The following CDKAL1 variants were observed in gnomAD, a reference collection of about 807,000 sequenced individuals.
CDKAL1 encodes the protein CDKAL1 threonylcarbamoyladenosine tRNA methylthiotransferase.
A neutral mutation model predicts 68.2 loss-of-function variants in CDKAL1; 32 were observed. The ratio of observed to expected loss-of-function variants is 0.47; its 90% CI spans 0.35 to 0.63. The LOEUF is 0.63. CDKAL1 is among the 30% of genes least tolerant of loss of function. The pLI is 0.00. For synonymous variants in CDKAL1, 234 were observed against 244.3 expected, an observed-to-expected ratio of 0.96 and a Z score of 0.39; for missense variants, 606 against 696.7, an observed-to-expected ratio of 0.87 and a Z score of 1.47.
intron 9 of CDKAL1, among the ~76,000 whole-genome samples, chr6:20,940,883 G>T (rs1169853632): frequency 6.6e-6 from 1 of 152,158 alleles, no homozygotes; most frequent in East Asian, 1.9e-4. Context: ...GAGGTCAGGA[G>T]ATCAAGACCA....
chr6:20,863,901 C>T (rs982244068), intron 9 of CDKAL1, among the ~76,000 whole-genome samples: 5 of 152,132 alleles, frequency 3.3e-5, no homozygotes, highest in Admixed American at 1.3e-4. Flanking sequence ...ACTCTGGTTA[C>T]ATCTGTGCTT....
At chr6:21,199,229 C>G (rs1324919329) in intron 14 of CDKAL1, among the ~76,000 whole-genome samples, 1 of 152,146 alleles carries the variant, frequency 6.6e-6, no homozygotes, top group Non-Finnish European at 1.5e-5. Context: ...AAAGCAGGAG[C>G]TGAAGAGGCC....
chr6:21,156,384 A>G (rs1421788141), intron 13 of CDKAL1, among the ~76,000 whole-genome samples: 1 of 144,374 alleles, frequency 6.9e-6, no homozygotes, highest in East Asian at 2.0e-4. Flanking sequence ...AGATCGTGCC[A>G]CTGTACTCCA....
intron 10 of CDKAL1, chr6:20,993,464 G>T (rs555785327): frequency 2.0e-5 from 3 of 152,204 alleles, no homozygotes; most frequent in Admixed American, 1.3e-4. Context: ...GGATGTAAAC[G>T]CATCTCAATG....
At chr6:20,785,021 C>T (rs867311108) in intron 8 of CDKAL1, among the ~76,000 whole-genome samples, 27 of 151,992 alleles carry the variant, frequency 1.8e-4, no homozygotes, top group African/African-American at 6.5e-4. Flanking sequence ...TTCAAATGGG[C>T]CTGCTCTTTA....
chr6:20,892,462 G>A (rs1374663904), intron 9 of CDKAL1, among the ~76,000 whole-genome samples: 6 of 152,220 alleles, frequency 3.9e-5, no homozygotes, highest in Non-Finnish European at 7.4e-5. Flanking sequence ...GTGAAATGAC[G>A]TATCTGAGAT....
At chr6:20,955,397 A>G (rs201062517) in intron 9 of CDKAL1, 22 bp from the exon 10 acceptor site, 2 of 1,613,084 alleles carry the variant, frequency 1.2e-6, no homozygotes, top group Non-Finnish European at 1.7e-6. Flanking sequence ...CAGATTTGTT[A>G]ATTATCTCTT....
intron 9 of CDKAL1, among the ~76,000 whole-genome samples, chr6:20,909,549 G>A (rs1762376140): frequency 6.6e-6 from 1 of 152,160 alleles, no homozygotes; most frequent in Non-Finnish European, 1.5e-5. Context: ...TTTAAAATCA[G>A]CATAAAACAC....
intron 5 of CDKAL1, among the ~76,000 whole-genome samples, chr6:20,724,731 G>A (rs1453849097): frequency 6.6e-6 from 1 of 152,110 alleles, no homozygotes; most frequent in African/African-American, 2.4e-5. Context: ...ATTTGGCTGT[G>A]TCTTCCACCT....
At chr6:21,002,497 C>T (rs1450916051) in intron 11 of CDKAL1, among the ~76,000 whole-genome samples, 9 of 151,962 alleles carry the variant, frequency 5.9e-5, no homozygotes, top group African/African-American at 1.7e-4. Context: ...TTTAAATTAA[C>T]GCTGTATTGT....
At chr6:20,562,431 TG>T (rs981721413) in intron 4 of CDKAL1, among the ~76,000 whole-genome samples, 3 of 152,068 alleles carry the variant, frequency 2.0e-5, no homozygotes, top group Admixed American at 2.0e-4. Context: ...AAGGAGAGCC[TG>T]GGGATGAAAT....
chr6:20,601,512 G>A (rs1766094352), intron 4 of CDKAL1, among the ~76,000 whole-genome samples: 1 of 152,112 alleles, frequency 6.6e-6, no homozygotes, highest in Admixed American at 6.5e-5. Flanking sequence ...AATAAACTGA[G>A]AATTGACTTA....
chr6:20,775,987 A>G (rs1775154258), intron 7 of CDKAL1, among the ~76,000 whole-genome samples: 1 of 151,772 alleles, frequency 6.6e-6, no homozygotes, highest in Non-Finnish European at 1.5e-5. Flanking sequence ...TTAGTGTGCA[A>G]TAGTTTTCAA....
intron 10 of CDKAL1, among the ~76,000 whole-genome samples, chr6:20,994,324 C>G (rs1012891149): frequency 6.6e-6 from 1 of 152,100 alleles, no homozygotes; most frequent in African/African-American, 2.4e-5. Context: ...ACTAAAAATA[C>G]TAAAATTAGC....
At chr6:20,612,901 C>A (rs1384420045) in intron 4 of CDKAL1, among the ~76,000 whole-genome samples, 1 of 150,736 alleles carries the variant, frequency 6.6e-6, no homozygotes, top group Non-Finnish European at 1.5e-5. Context: ...TCAAAGGGAA[C>A]CAAAACCCAT....
At chr6:21,165,038 C>T (rs1012728701) in intron 13 of CDKAL1, among the ~76,000 whole-genome samples, 5 of 152,194 alleles carry the variant, frequency 3.3e-5, no homozygotes, top group African/African-American at 1.2e-4. Flanking sequence ...TTTCTTTCCT[C>T]CTTCCCCAGG....
chr6:20,853,393 A>AAC (rs1561832653), intron 9 of CDKAL1, among the ~76,000 whole-genome samples: 431 of 33,188 alleles, frequency 0.013, 3 homozygotes, highest in African/African-American at 0.019. Flanking sequence ...AAACAAAACA[A>AAC]AAAAAAAACA....
chr6:21,197,031 G>A (rs796790767), intron 13 of CDKAL1, among the ~76,000 whole-genome samples: 7 of 152,180 alleles, frequency 4.6e-5, no homozygotes, highest in African/African-American at 1.7e-4. Context: ...AGTGGCGCAT[G>A]CCTGTAATCC....
intron 15 of CDKAL1, among the ~76,000 whole-genome samples, chr6:21,222,835 C>T (rs1410241628): frequency 6.6e-6 from 1 of 152,104 alleles, no homozygotes; most frequent in Non-Finnish European, 1.5e-5. Context: ...AGACAGGTGG[C>T]AACTCTCTTA....
Sources: allele counts gnomAD v4.1 joint callset (sites outside exome capture counted in the v4.1 genomes callset), GRCh38; gene constraint gnomAD v4.1.1; transcripts MANE v1.5; gene names NCBI Gene and HGNC (gene_info 2026-07-23, HGNC 2026-07-21).